BFAR: variants seen among roughly 807,000 people sequenced by gnomAD.
BFAR encodes the protein RING finger protein 47.
A neutral mutation model predicts 54.4 loss-of-function variants in BFAR; 52 were observed. The ratio of observed to expected loss-of-function variants is 0.96; its 90% CI spans 0.77 to 1.21. The LOEUF is 1.21. BFAR is among the 50% of genes most tolerant of loss of function. The pLI, the probability that BFAR is intolerant of heterozygous loss-of-function variation, is 0.00. For missense variants in BFAR, 571 were observed against 534.0 expected (o/e 1.07, Z -0.68); for synonymous variants, 215 against 204.3 (o/e 1.05, Z -0.45).
intron 7 of BFAR, among the ~76,000 whole-genome samples, chr16:14,665,921 A>G (rs1256830854): frequency 6.6e-6 from 1 of 152,142 alleles, no homozygotes; most frequent in Non-Finnish European, 1.5e-5. Flanking sequence ...ACCAACTAGG[A>G]TAATAATAAC....
chr16:14,643,954 G>T (rs921836200), intron 1 of BFAR: 5 of 175,582 alleles, frequency 2.8e-5, no homozygotes, highest in African/African-American at 1.2e-4. Context: ...GAGGTCAGGA[G>T]ATCGAGACCA....
intron 1 of BFAR, 100 bp from the exon 2 acceptor site, chr16:14,644,174 A>AG (rs1959713540): frequency 5.5e-6 from 4 of 729,256 alleles, no homozygotes; most frequent in East Asian, 2.7e-5. Flanking sequence ...AAAAAAAAAA[A>AG]AAAAAATTAG....
chr16:14,655,275 A>C, intron 5 of BFAR, 65 bp downstream of exon 5: 2 of 1,099,398 alleles, frequency 1.8e-6, no homozygotes, highest in Non-Finnish European at 2.3e-6. Context: ...AATTTTTTTT[A>C]ATTTCAGGGT....
intron 6 of BFAR, among the ~76,000 whole-genome samples, chr16:14,664,525 A>G (rs185774794): frequency 2.6e-5 from 4 of 152,070 alleles, no homozygotes; most frequent in Admixed American, 2.0e-4. Context: ...TTTGAGACAC[A>G]GTCTCCCTCT....
At chr16:14,648,738 G>A in intron 3 of BFAR, 146 bp downstream of exon 3, 1 of 642,816 alleles carries the variant, frequency 1.6e-6, no homozygotes, top group East Asian at 2.8e-5. Context: ...AATCTGCTGG[G>A]TTCTATGATT....
intron 2 of BFAR, among the ~76,000 whole-genome samples, chr16:14,645,852 C>T (rs1019155564): frequency 1.3e-5 from 2 of 152,052 alleles, no homozygotes; most frequent in African/African-American, 2.4e-5. Flanking sequence ...CACACACATA[C>T]ACACACATAC....
At chr16:14,650,237 GGAGAATCACTTGAAC>G in intron 4 of BFAR, 1 of 293,632 alleles carries the variant, frequency 3.4e-6, no homozygotes, top group Non-Finnish European at 6.2e-6. Context: ...GGCTGAGACA[GGAGAATCACTTGAAC>G]CCAAGAGGTG....
intron 2 of BFAR, 54 bp downstream of exon 2, chr16:14,644,663 T>A: frequency 1.2e-5 from 18 of 1,467,394 alleles, no homozygotes; most frequent in Non-Finnish European, 1.7e-5. Context: ...GTGGTTTCTC[T>A]CTTGCTTTTT....
chr16:14,659,225 GTTTTTTTTGT>G (rs1238302655), intron 5 of BFAR, among the ~76,000 whole-genome samples: 33 of 141,304 alleles, frequency 2.3e-4, no homozygotes, highest in Non-Finnish European at 4.4e-4. Flanking sequence ...ATGCAATTTG[GTTTTTTTTGT>G]TTTTTTTTGT....
chr16:14,639,046 TA>T (rs1959541600), intron 1 of BFAR, among the ~76,000 whole-genome samples: 2 of 152,208 alleles, frequency 1.3e-5, no homozygotes, highest in African/African-American at 4.8e-5. Context: ...TCCTAAGTGT[TA>T]ATTGGACAGC....
chr16:14,649,193 A>G (rs983413952), intron 3 of BFAR, among the ~76,000 whole-genome samples: 1 of 148,880 alleles, frequency 6.7e-6, no homozygotes, highest in African/African-American at 2.5e-5. Context: ...CTTCTGCCTC[A>G]GCTTCCCAAG....
chr16:14,642,992 A>C (rs986955277), intron 1 of BFAR, among the ~76,000 whole-genome samples: 2 of 152,216 alleles, frequency 1.3e-5, no homozygotes, highest in African/African-American at 4.8e-5. Flanking sequence ...CCTGGCCAAC[A>C]TGGTGAAAAC....
At chr16:14,659,896 A>G (rs151184614) in intron 5 of BFAR, among the ~76,000 whole-genome samples, 67 of 152,350 alleles carry the variant, frequency 4.4e-4, no homozygotes, top group African/African-American at 1.5e-3. Flanking sequence ...TTAAAAATGC[A>G]ATCATCATCA....
At chr16:14,638,557 A>G (rs1012347136) in intron 1 of BFAR, among the ~76,000 whole-genome samples, 3 of 152,264 alleles carry the variant, frequency 2.0e-5, no homozygotes, top group African/African-American at 7.2e-5. Flanking sequence ...TTTAAAAATT[A>G]CGATTTCTTT....
intron 1 of BFAR, among the ~76,000 whole-genome samples, chr16:14,636,575 A>G (rs1596961831): frequency 6.6e-6 from 1 of 152,210 alleles, no homozygotes; most frequent in African/African-American, 2.4e-5. Flanking sequence ...CGGGTTTTAT[A>G]CCAAGACATT....
rs772233428 is a variant in BFAR, at chr16:14,662,069, G to A, written c.957+4G>A. The A allele has an allele frequency of 6.2e-7, 1 of 1,614,036 alleles. No individual in the cohort carries two copies. Among genetic ancestry groups the A allele is most frequent in the Admixed American group, 1.7e-5 (1 of 60,002 alleles). On this transcript the variant is annotated splice_donor_region_variant and intron_variant, in intron 6 of 7. Transcript: ENST00000261658. ...GGACATCGTCACCAAGCTTCTGGTA[G>A]GTCTGCACAGTGCCTGGAATAAAGT... is the stretch of plus-strand genomic sequence containing the variant.
chr16:14,660,648 C>G (rs1960263658), intron 5 of BFAR, among the ~76,000 whole-genome samples: 1 of 139,500 alleles, frequency 7.2e-6, no homozygotes, highest in African/African-American at 2.6e-5. Context: ...CACCTGTAAT[C>G]CCAGCACTTT....
chr16:14,668,110 A>G lies in BFAR; in HGVS notation c.*283A>G, dbSNP rs938731255. ...CAGGGACTAGGAGGCTCAGTCCCCAACGGCTGGCAAGACTCAGGGTCCTCA... is the reference window on the plus strand; with the variant it reads ...CAGGGACTAGGAGGCTCAGTCCCCAGCGGCTGGCAAGACTCAGGGTCCTCA... On this transcript the variant is annotated 3_prime_UTR_variant, in exon 8 of 8. Transcript: ENST00000261658. The G allele has an allele frequency of 1.3e-4, 59 of 437,110 alleles. No homozygotes were observed. The highest frequency in any genetic ancestry group is 1.0e-3 in the African/African-American group (51 of 51,112). 27.1% of individuals were successfully genotyped at this position (437,110 alleles called of 1,614,324 possible).
rs138464819 is a variant in BFAR at position 14,662,035 on chromosome 16, C to G, written c.927C>G (p.Ser309Arg). 6.2e-7 allele frequency: 1 copy of G among 1,614,156 alleles called. No individual in the cohort carries two copies. Among genetic ancestry groups the G allele is most frequent in the Non-Finnish European group, 8.5e-7 (1 of 1,180,028 alleles). ...IHTICPLQED[S>R]SGEDIVTKLL... ...CCATCTGCCCTCTGCAAGAAGACAG[C>G]TCTGGGGAGGACATCGTCACCAAGC... Residue 309 changes from serine (S) to arginine (R), a missense_variant, in exon 6 of 8, where the codon AGC (serine) becomes AGG (arginine). Coordinates refer to ENST00000261658, the MANE Select transcript of BFAR (RefSeq NM_016561.3).
Sources: gnomAD v4.1 joint callset for allele counts (sites outside exome capture counted in the v4.1 genomes callset) on GRCh38, gnomAD v4.1.1 for gene constraint, MANE v1.5 for transcripts, NCBI Gene and HGNC (gene_info 2026-07-23, HGNC 2026-07-21) for gene names.